The following TPSG1 variants were observed in gnomAD, a reference collection of about 807,000 sequenced individuals.
The protein encoded by TPSG1 is tryptase gamma.
In TPSG1, 43 loss-of-function variants were observed where a neutral mutation model predicts 23.8. The ratio of observed to expected loss-of-function variants is 1.81; its 90% CI spans 1.42 to 2.33. TPSG1 has a LOEUF of 2.33. Ranked by LOEUF, TPSG1 falls within the 30% of genes most tolerant of loss-of-function variation. The pLI is 0.00. For synonymous variants in TPSG1, 302 were observed against 201.3 expected, an observed-to-expected ratio of 1.50 and a Z score of -4.23; for missense variants, 623 against 438.6, an observed-to-expected ratio of 1.42 and a Z score of -3.75.
At chr16:1,222,590 C>A in intron 4 of TPSG1, 62 bp downstream of exon 4, 1 of 1,514,978 alleles carries the variant, frequency 6.6e-7, no homozygotes, top group Non-Finnish European at 8.8e-7. Context: ...ATCCCTCAAG[C>A]CAGCTCTCTT....
rs554054663 is a variant in TPSG1, at chr16:1,222,577, A to G, written c.511+75T>C. On this transcript the variant is annotated intron_variant, in intron 4 of 5. Coordinates refer to ENST00000234798, the MANE Select transcript of TPSG1 (RefSeq NM_012467.4). Reference sequence around the variant, plus strand: ...GCCACCAGGAGCAGGTGGTAGCATCAGCATCCCTCAAGCCAGCTCTCTTCC... The same window carrying G: ...GCCACCAGGAGCAGGTGGTAGCATCGGCATCCCTCAAGCCAGCTCTCTTCC... 3 of 1,502,990 alleles carry G rather than the reference A, an allele frequency of 2.0e-6. No individual in the cohort carries two copies. The East Asian group carries it at 6.9e-5, about 34-fold the overall frequency. 93.1% of individuals were successfully genotyped at this position (1,502,990 alleles called of 1,614,324 possible).
Position 1,222,674 on chromosome 16 carries a change from G to A in TPSG1, c.489C>T (p.Gly163=). 1 of 1,575,236 alleles carries A rather than the reference G, an allele frequency of 6.3e-7. No homozygotes were observed. Among genetic ancestry groups the A allele is most frequent in the South Asian group, 1.2e-5 (1 of 86,762 alleles). ...FCPGIRCWVT[G]WGYTREGEPL... is the part of the protein sequence containing the mutation. The stretch of plus-strand genomic sequence containing the variant: ...CACCTCCCTCCCGCGTATAGCCCCA[G>A]CCGGTCACCCAGCACCGGATCCCAG... The change falls in exon 4 of 6, where the codon GGC becomes GGT. Residue 163 remains glycine, a synonymous_variant. Transcript: ENST00000234798.
At chr16:1,222,584 C>A (rs1315667046) in intron 4 of TPSG1, 68 bp downstream of exon 4, 1 of 1,510,778 alleles carries the variant, frequency 6.6e-7, no homozygotes, top group Non-Finnish European at 8.9e-7. Context: ...ATCAGCATCC[C>A]TCAAGCCAGC....
chr16:1,222,485 C>T lies in TPSG1; in HGVS notation c.512-144G>A, dbSNP rs531915303. 1.1e-3 allele frequency: 1,441 copies of T among 1,269,280 alleles called. 1 individual carries two copies. The highest frequency in any genetic ancestry group is 1.4e-3 in the Non-Finnish European group (1,315 of 918,870). The allele number at this position is 1,269,280 out of a possible 1,614,324, so 78.6% of individuals were successfully genotyped here. ...GTTGTGATCTGACGTTTGGCTGCTG[C>T]TTTGGATCCACACGACAGGCTTTGA... is the stretch of plus-strand genomic sequence containing the variant. On this transcript the variant is annotated intron_variant, in intron 4 of 5. Transcript: ENST00000234798.
intron 2 of TPSG1, 24 bp from the exon 3 acceptor site, chr16:1,223,618 C>T (rs1484976030): frequency 3.3e-6 from 5 of 1,527,964 alleles, no homozygotes; most frequent in Non-Finnish European, 3.5e-6. Context: ...GGAAGGGGTG[C>T]CTGGTGGGGA....
chr16:1,221,916 G>C lies in TPSG1; in HGVS notation c.838C>G (p.Pro280Ala), dbSNP rs1425588690. The change falls in exon 6 of 6, where the codon CCC (proline) becomes GCC (alanine). Residue 280 changes from proline to alanine, a missense_variant. By Grantham distance (27) the Pro-to-Ala change is conservative. Coordinates refer to ENST00000234798, the MANE Select transcript of TPSG1 (RefSeq NM_012467.4). ...TASGGSESGY[P>A]RLPLLAGFFL... is the part of the protein sequence containing the mutation. ...AAGCCAGCCAGGAGGGGGAGCCTGG[G>C]GTACCCAGACTCTGAGCCCCCTGAT... The C allele has an allele frequency of 6.2e-7, 1 of 1,611,656 alleles. No individual in the cohort carries two copies. The highest frequency in any genetic ancestry group is 8.5e-7 in the Non-Finnish European group (1 of 1,179,274).
chr16:1,223,371 G>T (rs2029937915), intron 3 of TPSG1, 52 bp downstream of exon 3: 1 of 1,513,894 alleles, frequency 6.6e-7, no homozygotes, highest in South Asian at 1.3e-5. Context: ...GCTGGCGCAT[G>T]CCCCACTGGG....
chr16:1,224,513 G>C, intron 2 of TPSG1, 89 bp downstream of exon 2: 2 of 1,560,570 alleles, frequency 1.3e-6, no homozygotes, highest in South Asian at 1.1e-5. Context: ...GCCCCCATTG[G>C]GACCCCAGGG....
chr16:1,223,367 G>A lies in TPSG1; in HGVS notation c.245+56C>T, dbSNP rs757901215. On this transcript the variant is annotated intron_variant, in intron 3 of 5. Coordinates refer to ENST00000234798, the MANE Select transcript of TPSG1 (RefSeq NM_012467.4). ...ACCAAGTGGAGGCCTCTGCGCTGGC[G>A]CATGCCCCACTGGGGCCTGGACATT... 2.5e-5 allele frequency: 37 copies of A among 1,506,724 alleles called. No homozygotes were observed. The African/African-American group carries it at 2.9e-4, about 12-fold the overall frequency. The allele number at this position is 1,506,724 out of a possible 1,614,324, so 93.3% of individuals were successfully genotyped here.
At chr16:1,222,454 A>T (rs932112326) in intron 4 of TPSG1, 113 bp from the exon 5 acceptor site, 3 of 1,248,304 alleles carry the variant, frequency 2.4e-6, no homozygotes, top group Non-Finnish European at 3.3e-6. Context: ...TCGTCACGGC[A>T]CGTGGGTTGT....
In TPSG1 at chr16:1,222,694, TC is replaced by T; in HGVS notation, c.468del (p.Ile157SerfsTer5). 1 of 1,593,920 alleles carries T rather than the reference TC, an allele frequency of 6.3e-7. No individual in the cohort carries two copies. Among genetic ancestry groups the T allele is most frequent in the Middle Eastern group, 1.7e-4 (1 of 5,776 alleles). On this transcript the variant is annotated frameshift_variant, in exon 4 of 6. Transcript: ENST00000234798. LOFTEE classifies it high-confidence loss of function. ...CCCCAGCCGGTCACCCAGCACCGGA[TC>T]CCAGGGCAGAAGTCATCTGAGGCCT... ...LPEASDDFCPGIRCWVTGWGY... is the reference protein window; with the variant it reads ...LPEASDDFCPXIRCWVTGWGY...
In TPSG1 at chr16:1,222,087, C is replaced by A. The variant is rs113403420; in HGVS notation, c.667G>T (p.Gly223Trp). 3.7e-6 allele frequency: 6 copies of A among 1,612,652 alleles called. No homozygotes were observed. The Admixed American group carries it at 8.3e-5, about 22-fold the overall frequency. Residue 223 changes from glycine (G) to tryptophan (W), a missense_variant, in exon 6 of 6, where the codon GGG becomes TGG. Gly to Trp is a radical substitution (Grantham distance 184). Transcript: ENST00000234798. Reference sequence around the variant, plus strand: ...TTCACCTGGCAGACCAGAGGCCCCCCGGAGTCGTCCTGAGGACAGAGAAGG... The same window carrying A: ...TTCACCTGGCAGACCAGAGGCCCCCAGGAGTCGTCCTGAGGACAGAGAAGG... ...GPGDACQDDS[G>W]GPLVCQVNGA...
chr16:1,223,201 G>A (rs764973895), intron 3 of TPSG1, among the ~76,000 whole-genome samples: 11 of 152,236 alleles, frequency 7.2e-5, no homozygotes, highest in South Asian at 2.1e-4. Flanking sequence ...AGAGACCGAG[G>A]GGAGGGAAGG....
chr16:1,224,093 C>T (rs1364034659), intron 2 of TPSG1: 3 of 193,428 alleles, frequency 1.6e-5, no homozygotes, highest in South Asian at 2.4e-4. Context: ...AACTTCACCT[C>T]AGTAAGTTAA....
Position 1,223,467 on chromosome 16 carries a change from C to A in TPSG1, c.201G>T (p.Leu67=). ...CTGTGAGCACCCACTGGGGGCTGAG[C>A]AGTGACCCGCCGCACACGTGCACCC... ...LRRVHVCGGS[L]LSPQWVLTAA... Residue 67 remains leucine, a synonymous_variant, in exon 3 of 6, where the codon CTG becomes CTT. Coordinates refer to ENST00000234798, the MANE Select transcript of TPSG1 (RefSeq NM_012467.4). 6.3e-7 allele frequency: 1 copy of A among 1,586,996 alleles called. No individual in the cohort carries two copies. Among genetic ancestry groups the A allele is most frequent in the East Asian group, 2.3e-5 (1 of 43,808 alleles).
chr16:1,223,887 G>C, intron 2 of TPSG1: 1 of 467,240 alleles, frequency 2.1e-6, no homozygotes, highest in Non-Finnish European at 3.8e-6. Context: ...CGGCTAGAAA[G>C]GGGCTCAGAA....
chr16:1,223,645 G>A (rs1280025107), intron 2 of TPSG1, 51 bp from the exon 3 acceptor site: 2 of 1,512,320 alleles, frequency 1.3e-6, no homozygotes, highest in East Asian at 5.0e-5. Flanking sequence ...GAAACCCACT[G>A]CACTTCCTCC....
chr16:1,223,358 T>G, intron 3 of TPSG1, 65 bp downstream of exon 3: 2 of 1,484,826 alleles, frequency 1.3e-6, no homozygotes, highest in Non-Finnish European at 1.8e-6. Flanking sequence ...TGGAGGCCTC[T>G]GCGCTGGCGC....
At position 1,225,159 on chromosome 16, in the gene TPSG1, C is replaced by T. The variant is rs779317408; in HGVS notation, c.46+48G>A. 184 of 1,547,884 alleles carry T rather than the reference C, an allele frequency of 1.2e-4. 1 individual carries two copies. In the East Asian group the frequency reaches 4.2e-3, roughly 36 times the overall value. On this transcript the variant is annotated intron_variant, in intron 1 of 5. Coordinates refer to ENST00000234798, the MANE Select transcript of TPSG1 (RefSeq NM_012467.4). ...GTTTCACCCCCATCAGGGGTCCAGGCAGGAAGCAGATGCCCCCCCATCCCC... is the reference window on the plus strand; with the variant it reads ...GTTTCACCCCCATCAGGGGTCCAGGTAGGAAGCAGATGCCCCCCCATCCCC...
Sources: gnomAD v4.1 joint callset for allele counts (sites outside exome capture counted in the v4.1 genomes callset) on GRCh38, gnomAD v4.1.1 for gene constraint, MANE v1.5 for transcripts, NCBI Gene and HGNC (gene_info 2026-07-23, HGNC 2026-07-21) for gene names.